The following TMEM243 variants were observed in gnomAD, a reference collection of about 807,000 sequenced individuals.
TMEM243 encodes the protein transmembrane protein 243.
A neutral mutation model predicts 15.0 loss-of-function variants in TMEM243; 20 were observed. The ratio of observed to expected loss-of-function variants is 1.33; its 90% CI spans 0.94 to 1.93. The LOEUF (loss-of-function observed/expected upper bound fraction) is 1.93. Among genes scored for constraint, TMEM243 ranks in the 30% most tolerant of loss-of-function variants. The pLI, the probability that TMEM243 is intolerant of heterozygous loss-of-function variation, is 0.00. For synonymous variants in TMEM243, 72 were observed against 52.7 expected, an observed-to-expected ratio of 1.37 and a Z score of -1.59; for missense variants, 156 against 142.1, an observed-to-expected ratio of 1.10 and a Z score of -0.50.
rs915023738 is a variant in TMEM243 at position 87,219,447 on chromosome 7, C to G, written c.57G>C (p.Leu19=). The change falls in exon 1 of 4, where the codon CTG becomes CTC. Residue 19 remains leucine (L), a synonymous_variant. Coordinates refer to ENST00000257637, the MANE Select transcript of TMEM243 (RefSeq NM_024315.4). ...YGTSGLDNRP[L]FGETSAKDRI... is the part of the protein sequence containing the mutation. ...TCACCTTGGCGGACGTCTCCCCAAACAGAGGTCTGTTGTCCAGGCCACTGG... is the reference window on the plus strand; with the variant it reads ...TCACCTTGGCGGACGTCTCCCCAAAGAGAGGTCTGTTGTCCAGGCCACTGG... The G allele has an allele frequency of 6.2e-7, 1 of 1,614,254 alleles. No homozygotes were observed. The highest frequency in any genetic ancestry group is 8.5e-7 in the Non-Finnish European group (1 of 1,180,040).
At chr7:87,198,316 TCC>T (rs1801522823) in intron 2 of TMEM243, 1 of 338,626 alleles carries the variant, frequency 3.0e-6, no homozygotes, top group Non-Finnish European at 5.3e-6. Context: ...TAAACCTCAC[TCC>T]CAGGATTAAT....
At chr7:87,218,325 A>G (rs1562891181) in intron 1 of TMEM243, among the ~76,000 whole-genome samples, 1 of 152,236 alleles carries the variant, frequency 6.6e-6, no homozygotes, top group Non-Finnish European at 1.5e-5. Context: ...CTGGAGATCG[A>G]GTTTAAAACG....
chr7:87,201,411 T>C (rs1801801247), intron 1 of TMEM243, among the ~76,000 whole-genome samples: 1 of 152,168 alleles, frequency 6.6e-6, no homozygotes, highest in African/African-American at 2.4e-5. Flanking sequence ...ATCTGGTAAT[T>C]TATGTGCACA....
rs1802242191 is a variant in TMEM243 at position 87,206,674 on chromosome 7, CTTACAAA to C, written c.79-7624_79-7618del. Among the ~76,000 whole-genome samples, 3 of 152,196 alleles carry C rather than the reference CTTACAAA, an allele frequency of 2.0e-5. No individual in the cohort carries two copies. In the South Asian group the frequency reaches 6.2e-4, roughly 31 times the overall value. ...ACATAGAACAGTGCACAGTTTAAAA[CTTACAAA>C]TTATTTCTGAAGTTTTCCATTTAAT... On this transcript the variant is annotated intron_variant, in intron 1 of 3. Transcript: ENST00000257637.
intron 1 of TMEM243, chr7:87,199,346 T>C (rs1339947328): frequency 3.0e-6 from 1 of 337,132 alleles, no homozygotes; most frequent in East Asian, 5.3e-5. Flanking sequence ...AAATAATGCA[T>C]GTGCTGCTGA....
intron 1 of TMEM243, among the ~76,000 whole-genome samples, chr7:87,209,838 GAGAC>G (rs369641913): frequency 1.7e-4 from 25 of 143,374 alleles, no homozygotes; most frequent in East Asian, 1.4e-3. Flanking sequence ...CAGTGAGAGA[GAGAC>G]AGTGAGAGCG....
Position 87,204,638 on chromosome 7 carries a change from A to G in TMEM243, c.79-5581T>C, listed in dbSNP as rs145838937. Among the ~76,000 whole-genome samples the G allele has an allele frequency of 7.2e-3, 1,098 of 152,370 alleles. 15 individuals are homozygous for G. The highest frequency in any genetic ancestry group is 0.025 in the African/African-American group (1,046 of 41,596). ...AGCTCCAATGTCTCACATCCAGGTC[A>G]TGCTGATGCAAGAGGTAGGTTCCCA... is the stretch of plus-strand genomic sequence containing the variant. On this transcript the variant is annotated intron_variant, in intron 1 of 3. Coordinates refer to ENST00000257637, the MANE Select transcript of TMEM243 (RefSeq NM_024315.4).
intron 1 of TMEM243, among the ~76,000 whole-genome samples, chr7:87,200,675 TA>T (rs1801733069): frequency 6.6e-6 from 1 of 152,082 alleles, no homozygotes; most frequent in Non-Finnish European, 1.5e-5. Flanking sequence ...ATCCTCTCTT[TA>T]AAAATTCTAG....
At chr7:87,199,446 T>TAG (rs1472657611) in intron 1 of TMEM243, 1 of 178,240 alleles carries the variant, frequency 5.6e-6, no homozygotes, top group Non-Finnish European at 1.2e-5. Flanking sequence ...GGACTAGATG[T>TAG]AGAGTACCAT....
chr7:87,197,277 G>A (rs1336474569), intron 3 of TMEM243, among the ~76,000 whole-genome samples: 3 of 152,032 alleles, frequency 2.0e-5, no homozygotes, highest in Non-Finnish European at 2.9e-5. Context: ...ACTTGGAGGT[G>A]TCTCCTGGTT....
intron 2 of TMEM243, 65 bp downstream of exon 2, chr7:87,198,942 C>G: frequency 7.2e-7 from 1 of 1,394,484 alleles, no homozygotes. Context: ...GAAAGTTAAC[C>G]ATAATTGATA....
intron 3 of TMEM243, among the ~76,000 whole-genome samples, chr7:87,197,467 G>C (rs1801391495): frequency 6.6e-6 from 1 of 152,018 alleles, no homozygotes; most frequent in African/African-American, 2.4e-5. Flanking sequence ...AACAACTGCA[G>C]CTTTAGATTT....
intron 1 of TMEM243, among the ~76,000 whole-genome samples, chr7:87,205,995 T>C (rs942507827): frequency 2.6e-5 from 4 of 152,032 alleles, no homozygotes; most frequent in African/African-American, 9.7e-5. Context: ...GAAAAAGAGA[T>C]TTAATGGACT....
At chr7:87,218,253 C>G (rs1243487404) in intron 1 of TMEM243, among the ~76,000 whole-genome samples, 1 of 152,198 alleles carries the variant, frequency 6.6e-6, no homozygotes, top group Non-Finnish European at 1.5e-5. Context: ...GAATGCGTCT[C>G]AAACCAGGAG....
chr7:87,211,099 T>G (rs1219953863), intron 1 of TMEM243, among the ~76,000 whole-genome samples: 1 of 152,164 alleles, frequency 6.6e-6, no homozygotes, highest in Non-Finnish European at 1.5e-5. Flanking sequence ...GCTGTGAAGC[T>G]CTCTGAAATT....
At chr7:87,209,207 AAT>A (rs1327263541) in intron 1 of TMEM243, among the ~76,000 whole-genome samples, 1 of 152,172 alleles carries the variant, frequency 6.6e-6, no homozygotes, top group Non-Finnish European at 1.5e-5. Context: ...GGTTTAACTG[AAT>A]AACAGTTCCA....
chr7:87,217,875 GA>G lies in TMEM243; in HGVS notation c.78+1550del, dbSNP rs564602561. ...TGGACGTTTTGGCCCAAGCTGTTCA[GA>G]AAACATCAATATTTCTAAGTGTTTG... On this transcript the variant is annotated intron_variant, in intron 1 of 3. Transcript: ENST00000257637. Among the ~76,000 whole-genome samples the G allele has an allele frequency of 1.6e-3, 244 of 152,330 alleles. 1 individual carries two copies. The highest frequency in any genetic ancestry group is 5.6e-3 in the African/African-American group (231 of 41,576).
intron 1 of TMEM243, among the ~76,000 whole-genome samples, chr7:87,216,323 A>C (rs995339144): frequency 1.3e-5 from 2 of 151,432 alleles, no homozygotes; most frequent in Admixed American, 6.6e-5. Context: ...GAAGGCGCCT[A>C]TAGTCCCAGC....
At chr7:87,219,825 T>C (rs998177583), upstream of TMEM243, 40 of 371,594 alleles carry the variant, frequency 1.1e-4, no homozygotes, top group Non-Finnish European at 1.8e-4. Context: ...TGGCGCCGCG[T>C]GGCTCTCCGC....
Sources: gnomAD v4.1 joint callset for allele counts (sites outside exome capture counted in the v4.1 genomes callset) on GRCh38, gnomAD v4.1.1 for gene constraint, MANE v1.5 for transcripts, NCBI Gene and HGNC (gene_info 2026-07-23, HGNC 2026-07-21) for gene names.